The following SLC39A11 variants were observed in gnomAD, a reference collection of about 807,000 sequenced individuals.
SLC39A11 encodes the protein solute carrier family 39 member 11.
Under a neutral mutation model 36.1 loss-of-function variants are expected in SLC39A11, and 33 were observed. The observed-to-expected ratio is 0.91, with a 90% confidence interval of 0.69 to 1.22. SLC39A11 has a LOEUF of 1.22. Among genes scored for constraint, SLC39A11 ranks in the 50% most tolerant of loss-of-function variants. SLC39A11 has a pLI of 0.00. For synonymous variants in SLC39A11, 166 were observed against 170.3 expected (o/e 0.97, Z 0.20); for missense variants, 432 against 430.3 (o/e 1.00, Z -0.03).
intron 6 of SLC39A11, among the ~76,000 whole-genome samples, chr17:72,822,347 A>G (rs1384915849): frequency 1.3e-5 from 2 of 148,698 alleles, no homozygotes; most frequent in Non-Finnish European, 3.0e-5. Context: ...GAGAAAGAAT[A>G]TATATATAGA....
chr17:72,946,338 G>A (rs1326024076), intron 5 of SLC39A11, among the ~76,000 whole-genome samples: 1 of 152,218 alleles, frequency 6.6e-6, no homozygotes, highest in Non-Finnish European at 1.5e-5. Context: ...GGGCGGCAGT[G>A]AGGATTAACC....
At chr17:72,803,663 T>C (rs1031888130) in intron 6 of SLC39A11, among the ~76,000 whole-genome samples, 1 of 152,186 alleles carries the variant, frequency 6.6e-6, no homozygotes, top group Non-Finnish European at 1.5e-5. Flanking sequence ...TCTCAGCTCC[T>C]GGAGGGCAGG....
At chr17:73,089,263 G>GC (rs1227737970) in intron 1 of SLC39A11, among the ~76,000 whole-genome samples, 1 of 152,032 alleles carries the variant, frequency 6.6e-6, no homozygotes, top group East Asian at 1.9e-4. Context: ...CACCTGCCCA[G>GC]CCAAAGGGTA....
intron 6 of SLC39A11, among the ~76,000 whole-genome samples, chr17:72,791,275 TA>T (rs1050180721): frequency 1.1e-4 from 16 of 152,178 alleles, no homozygotes; most frequent in Admixed American, 4.6e-4. Flanking sequence ...GCCAACATGG[TA>T]AAACCCTGTC....
At chr17:72,930,879 A>G (rs1411418932) in intron 5 of SLC39A11, among the ~76,000 whole-genome samples, 1 of 152,180 alleles carries the variant, frequency 6.6e-6, no homozygotes, top group Non-Finnish European at 1.5e-5. Flanking sequence ...CGTTTTCCAA[A>G]GAGAGGGAAG....
chr17:72,711,788 C>A (rs1305887572), intron 7 of SLC39A11, among the ~76,000 whole-genome samples: 2 of 152,152 alleles, frequency 1.3e-5, no homozygotes, highest in Admixed American at 1.3e-4. Context: ...ATGGTCATAG[C>A]TCTGGGGGGA....
chr17:72,805,734 T>C (rs2077227693), intron 6 of SLC39A11, among the ~76,000 whole-genome samples: 1 of 151,618 alleles, frequency 6.6e-6, no homozygotes, highest in Non-Finnish European at 1.5e-5. Flanking sequence ...GAGTTAATTT[T>C]TTTTTCTTTT....
intron 4 of SLC39A11, among the ~76,000 whole-genome samples, chr17:73,017,753 G>A (rs1244094388): frequency 6.6e-6 from 1 of 152,032 alleles, no homozygotes; most frequent in Non-Finnish European, 1.5e-5. Context: ...ATAAAATTCA[G>A]GACTGCTGAC....
At position 72,885,321 on chromosome 17, in the gene SLC39A11, G is replaced by A. The variant is rs1044503692; in HGVS notation, c.431-35517C>T. Among the ~76,000 whole-genome samples, 4 of 105,636 alleles carry A rather than the reference G, an allele frequency of 3.8e-5. No homozygotes were observed. In the South Asian group the frequency reaches 8.6e-4, roughly 23 times the overall value. The allele number at this position is 105,636 out of a possible 152,430, so 69.3% of individuals were successfully genotyped here. ...CTTTTGCAAATCAAGCATTGGTTCT[G>A]TGCAGCTGAGTCTATTCCAAAGCGA... On this transcript the variant is annotated intron_variant, in intron 5 of 9. Transcript: ENST00000255559.
intron 4 of SLC39A11, among the ~76,000 whole-genome samples, chr17:73,015,569 G>A (rs2090758303): frequency 6.6e-6 from 1 of 152,006 alleles, no homozygotes; most frequent in South Asian, 2.1e-4. Context: ...TCTACAACAG[G>A]GAGGCGATTA....
chr17:72,681,355 G>A (rs1010569238), intron 7 of SLC39A11, among the ~76,000 whole-genome samples: 1 of 152,222 alleles, frequency 6.6e-6, no homozygotes, highest in Non-Finnish European at 1.5e-5. Context: ...CCATGTAAGT[G>A]AGGAGCTGCA....
chr17:72,817,984 A>G (rs2077639149), intron 6 of SLC39A11: 1 of 152,174 alleles, frequency 6.6e-6, no homozygotes, highest in Admixed American at 6.5e-5. Context: ...AAGAGGGAAA[A>G]GCCCCTTATA....
chr17:72,648,700 G>T (rs963247609), intron 9 of SLC39A11, 103 bp downstream of exon 9: 1 of 1,378,472 alleles, frequency 7.3e-7, no homozygotes, highest in East Asian at 2.4e-5. Flanking sequence ...GAGAGGGGGA[G>T]GGAATAAGGA....
chr17:72,931,276 T>C (rs2084377634), intron 5 of SLC39A11, among the ~76,000 whole-genome samples: 1 of 152,144 alleles, frequency 6.6e-6, no homozygotes, highest in Admixed American at 6.5e-5. Flanking sequence ...AGAGATGCCT[T>C]GTTAACCAAG....
intron 7 of SLC39A11, among the ~76,000 whole-genome samples, chr17:72,722,000 C>T (rs372757281): frequency 6.8e-5 from 10 of 147,694 alleles, no homozygotes; most frequent in African/African-American, 2.3e-4. Context: ...TACCCTGTAA[C>T]TCAGCTGTGA....
At chr17:72,753,909 A>C (rs1315005365) in intron 6 of SLC39A11, among the ~76,000 whole-genome samples, 1 of 149,650 alleles carries the variant, frequency 6.7e-6, no homozygotes, top group Non-Finnish European at 1.5e-5. Flanking sequence ...AAAAAAAAAA[A>C]AAACCTGCAC....
chr17:72,735,030 T>G (rs1440922546), intron 7 of SLC39A11, among the ~76,000 whole-genome samples: 1 of 152,142 alleles, frequency 6.6e-6, no homozygotes, highest in African/African-American at 2.4e-5. Flanking sequence ...CATTAGCCCT[T>G]GTTTTGGGTG....
intron 7 of SLC39A11, among the ~76,000 whole-genome samples, chr17:72,736,108 T>C (rs1441714212): frequency 6.6e-6 from 1 of 151,982 alleles, no homozygotes; most frequent in African/African-American, 2.4e-5. Flanking sequence ...GAAAATAAAG[T>C]CACAAGGACG....
chr17:73,043,284 G>T (rs371564223), intron 3 of SLC39A11, among the ~76,000 whole-genome samples: 2 of 152,170 alleles, frequency 1.3e-5, no homozygotes, highest in African/African-American at 4.8e-5. Flanking sequence ...TCCACAAGGC[G>T]AAAGAAGGCA....
Sources: gnomAD v4.1 joint callset for allele counts (sites outside exome capture counted in the v4.1 genomes callset) on GRCh38, gnomAD v4.1.1 for gene constraint, MANE v1.5 for transcripts, NCBI Gene and HGNC (gene_info 2026-07-23, HGNC 2026-07-21) for gene names.